The following IFRD1 variants were observed in gnomAD, a reference collection of about 807,000 sequenced individuals.
IFRD1 encodes interferon-related developmental regulator 1.
A neutral mutation model predicts 52.9 loss-of-function variants in IFRD1; 35 were observed. The observed-to-expected ratio is 0.66, with a 90% CI of 0.51 to 0.88. IFRD1 has a LOEUF of 0.88. IFRD1 is among the 40% of genes least tolerant of loss of function. The pLI is 0.00. For missense variants in IFRD1, 517 were observed against 550.8 expected (o/e 0.94, Z 0.61); for synonymous variants, 184 against 188.4 (o/e 0.98, Z 0.19).
At chr7:112,471,753 T>C (rs1366376922) in intron 9 of IFRD1, among the ~76,000 whole-genome samples, 2 of 151,968 alleles carry the variant, frequency 1.3e-5, no homozygotes, top group Non-Finnish European at 2.9e-5. Flanking sequence ...CCCTTCTGGT[T>C]GCTGGACCTT....
intron 1 of IFRD1, among the ~76,000 whole-genome samples, chr7:112,430,117 C>T (rs1373660932): frequency 6.6e-6 from 1 of 152,218 alleles, no homozygotes; most frequent in African/African-American, 2.4e-5. Flanking sequence ...GGACTTGGAG[C>T]TGCCCACTCT....
intron 1 of IFRD1, among the ~76,000 whole-genome samples, chr7:112,445,154 C>T (rs1584479565): frequency 1.3e-5 from 2 of 148,826 alleles, no homozygotes. Flanking sequence ...GCAAGCTCCG[C>T]TTCCCGAGTT....
intron 1 of IFRD1, chr7:112,437,113 C>T (rs562990299): frequency 2.6e-5 from 4 of 154,714 alleles, no homozygotes; most frequent in African/African-American, 4.8e-5. Flanking sequence ...CCAGCTAATA[C>T]CCAGCTAATT....
At chr7:112,452,796 A>G (rs1795197681) in intron 1 of IFRD1, among the ~76,000 whole-genome samples, 1 of 152,206 alleles carries the variant, frequency 6.6e-6, no homozygotes, top group Non-Finnish European at 1.5e-5. Context: ...GAAAAGATCC[A>G]TTTCATCACT....
chr7:112,450,781 A>C lies in IFRD1; in HGVS notation c.93A>C (p.Ala31=), dbSNP rs140812920. Residue 31 remains alanine (A), a splice_region_variant and synonymous_variant, in exon 1 of 12, where the codon GCA becomes GCC. Transcript: ENST00000403825. ...SGAAAATAAT[A]GGQHRNVQPF... is the part of the protein sequence containing the mutation. ...CAGCCGCAGCGACGGCGGCGACAGC[A>C]GGTAAGGGGTATCCCCGCCGCCGGC... 83 of 1,609,550 alleles carry C rather than the reference A, an allele frequency of 5.2e-5. 1 individual carries two copies. The Middle Eastern group carries it at 8.3e-4, about 16-fold the overall frequency.
chr7:112,426,795 A>C (rs1358017725), intron 1 of IFRD1, among the ~76,000 whole-genome samples: 3 of 152,008 alleles, frequency 2.0e-5, no homozygotes, highest in African/African-American at 7.3e-5. Context: ...GCATGATAAA[A>C]CCTTAGTCTC....
intron 1 of IFRD1, among the ~76,000 whole-genome samples, chr7:112,425,013 G>GT (rs1554502421): frequency 1.3e-5 from 2 of 151,710 alleles, no homozygotes; most frequent in Non-Finnish European, 2.9e-5. Context: ...GTTTTGTTTT[G>GT]TTTTTTTGAG....
intron 1 of IFRD1, among the ~76,000 whole-genome samples, chr7:112,428,759 T>G (rs1794483916): frequency 6.6e-6 from 1 of 152,176 alleles, no homozygotes; most frequent in Non-Finnish European, 1.5e-5. Flanking sequence ...GTATTCTTTT[T>G]CTTAAACAGA....
chr7:112,436,554 G>A (rs1794697750), intron 1 of IFRD1, among the ~76,000 whole-genome samples: 2 of 151,998 alleles, frequency 1.3e-5, no homozygotes, highest in African/African-American at 4.8e-5. Flanking sequence ...CATGGGGCTC[G>A]GTGGTTGAGA....
chr7:112,441,128 G>A (rs1176704067), intron 1 of IFRD1, among the ~76,000 whole-genome samples: 1 of 151,998 alleles, frequency 6.6e-6, no homozygotes, highest in Non-Finnish European at 1.5e-5. Flanking sequence ...ACAAAAATTA[G>A]CTGGGCGTTC....
At position 112,458,859 on chromosome 7, in the gene IFRD1, AG is replaced by A. The variant is rs1253979469; in HGVS notation, c.410del. 6.2e-7 allele frequency: 1 copy of A among 1,613,570 alleles called. No individual in the cohort carries two copies. Among genetic ancestry groups the A allele is most frequent in the Non-Finnish European group, 8.5e-7 (1 of 1,179,624 alleles). On this transcript the variant is annotated splice_acceptor_variant, in intron 4 of 11. Transcript: ENST00000403825. LOFTEE classifies it high-confidence loss of function. ...GTGATTGCATCTTGGCTGCTTTTAT[AG>A]GTAAGAGTGATGAGCAACGTGCAGC...
chr7:112,430,135 C>T (rs1584462932), intron 1 of IFRD1, among the ~76,000 whole-genome samples: 1 of 152,198 alleles, frequency 6.6e-6, no homozygotes. Flanking sequence ...TCTCATTCCA[C>T]AGAGGGAGTT....
At chr7:112,463,896 C>CA (rs1795539794) in intron 8 of IFRD1, among the ~76,000 whole-genome samples, 1 of 39,124 alleles carries the variant, frequency 2.6e-5, no homozygotes, top group Non-Finnish European at 5.1e-5. Flanking sequence ...ACACACACAC[C>CA]CCACGTATCT....
At chr7:112,430,124 C>G (rs1794516837) in intron 1 of IFRD1, among the ~76,000 whole-genome samples, 1 of 152,218 alleles carries the variant, frequency 6.6e-6, no homozygotes, top group African/African-American at 2.4e-5. Flanking sequence ...GAGCTGCCCA[C>G]TCTCATTCCA....
At chr7:112,457,983 A>G (rs1384364104) in intron 4 of IFRD1, 1 of 152,186 alleles carries the variant, frequency 6.6e-6, no homozygotes, top group East Asian at 1.9e-4. Flanking sequence ...AGAAAGGCCT[A>G]GGAAAACTGA....
At chr7:112,469,947 C>CT (rs5886617) in intron 9 of IFRD1, among the ~76,000 whole-genome samples, 242 of 144,948 alleles carry the variant, frequency 1.7e-3, no homozygotes, top group African/African-American at 5.4e-3. Context: ...AGTTGTTTCT[C>CT]TTTTTTTTTT....
chr7:112,451,109 C>T, intron 1 of IFRD1: 1 of 290,250 alleles, frequency 3.4e-6, no homozygotes, highest in Non-Finnish European at 6.7e-6. Context: ...TTCTCGGCGG[C>T]GATCTCGCCC....
At chr7:112,428,380 C>T (rs1177130702) in intron 1 of IFRD1, among the ~76,000 whole-genome samples, 1 of 152,076 alleles carries the variant, frequency 6.6e-6, no homozygotes, top group East Asian at 1.9e-4. Flanking sequence ...AGGAGGTAAA[C>T]AGGGTGGAAA....
At chr7:112,462,563 G>T (rs1309538352) in intron 8 of IFRD1, among the ~76,000 whole-genome samples, 185 bp downstream of exon 8, 2 of 152,132 alleles carry the variant, frequency 1.3e-5, no homozygotes, top group Non-Finnish European at 2.9e-5. Context: ...GTAGGGGTTG[G>T]TACAGCAGTG....
Sources: allele counts gnomAD v4.1 joint callset (sites outside exome capture counted in the v4.1 genomes callset), GRCh38; gene constraint gnomAD v4.1.1; transcripts MANE v1.5; gene names NCBI Gene and HGNC (gene_info 2026-07-23, HGNC 2026-07-21).